The following RYR2 variants were observed in gnomAD, a reference collection of about 807,000 sequenced individuals.
RYR2 encodes the protein ryanodine receptor 2.
In RYR2, 227 loss-of-function variants were observed where a neutral mutation model predicts 601.1. That is an observed-to-expected ratio of 0.38 (90% CI 0.34 to 0.42). RYR2 has a LOEUF of 0.42. Among genes scored for constraint, RYR2 ranks in the 10% least tolerant of loss-of-function variants. The probability of loss-of-function intolerance (pLI) is 1.00; values close to 1 mark genes in which losing one functional copy is unlikely to be tolerated. For synonymous variants in RYR2, 2,223 were observed against 2,175.1 expected (o/e 1.02, Z -0.61); for missense variants, 4,646 against 6,156.5 (o/e 0.75, Z 8.21).
At chr1:237,216,568 T>C (rs981030765) in intron 1 of RYR2, among the ~76,000 whole-genome samples, 1 of 151,612 alleles carries the variant, frequency 6.6e-6, no homozygotes, top group Non-Finnish European at 1.5e-5. Context: ...TGAAACCCTG[T>C]CTCTACTAAA....
chr1:237,636,280 C>T (rs1041195231), intron 44 of RYR2, among the ~76,000 whole-genome samples: 6 of 152,122 alleles, frequency 3.9e-5, no homozygotes, highest in African/African-American at 7.2e-5. Context: ...GGTTTTTCCT[C>T]TGTTGTTAAC....
rs1660920663 is a variant in RYR2 at position 237,808,664 on chromosome 1, AAAAACAAAAT to A, written c.14299-232_14299-223del. 1.3e-5 allele frequency among the ~76,000 whole-genome samples: 2 copies of A among 150,578 alleles called. 1 individual carries two copies. The highest frequency in any genetic ancestry group is 1.3e-4 in the Admixed American group (2 of 15,190). ...ACAGAAACTCTGTCTCAAAAAAAAA[AAAAACAAAAT>A]AAAATAAAATAAAATAAAATAAAGT... On this transcript the variant is annotated intron_variant, in intron 99 of 104. Coordinates refer to ENST00000366574, the MANE Select transcript of RYR2 (RefSeq NM_001035.3).
chr1:237,283,934 G>T (rs1353749921), intron 2 of RYR2, among the ~76,000 whole-genome samples: 1 of 152,134 alleles, frequency 6.6e-6, no homozygotes, highest in African/African-American at 2.4e-5. Context: ...CATATTTGTT[G>T]TCTTTTATCC....
intron 10 of RYR2, among the ~76,000 whole-genome samples, chr1:237,403,409 T>C (rs1425841222): frequency 6.6e-6 from 1 of 152,158 alleles, no homozygotes; most frequent in Non-Finnish European, 1.5e-5. Context: ...AAATTTTATA[T>C]CCGGTAACAC....
At chr1:237,787,004 TAAG>T (rs1657671378) in intron 91 of RYR2, among the ~76,000 whole-genome samples, 1 of 152,174 alleles carries the variant, frequency 6.6e-6, no homozygotes, top group African/African-American at 2.4e-5. Flanking sequence ...GAGTTAAGAT[TAAG>T]TATAGCTTAT....
chr1:237,546,149 C>A (rs1257050704), intron 25 of RYR2, among the ~76,000 whole-genome samples: 1 of 151,900 alleles, frequency 6.6e-6, no homozygotes, highest in African/African-American at 2.4e-5. Flanking sequence ...TCCCACATGG[C>A]TTCTTTATTA....
chr1:237,153,875 G>A (rs1036313972), intron 1 of RYR2, among the ~76,000 whole-genome samples: 5 of 151,974 alleles, frequency 3.3e-5, no homozygotes, highest in Non-Finnish European at 7.4e-5. Context: ...TTTTTGTTTT[G>A]TTTTTTATTC....
intron 6 of RYR2, among the ~76,000 whole-genome samples, 154 bp downstream of exon 6, chr1:237,369,762 T>C (rs1043855872): frequency 2.6e-5 from 4 of 152,230 alleles, no homozygotes. Flanking sequence ...TAGTTTCTCA[T>C]GTAAAAGATG....
chr1:237,172,409 T>C (rs1304885655), intron 1 of RYR2, among the ~76,000 whole-genome samples: 1 of 152,074 alleles, frequency 6.6e-6, no homozygotes, highest in Non-Finnish European at 1.5e-5. Flanking sequence ...GAAAATTATG[T>C]CACCTTGCTT....
At chr1:237,573,537 C>G (rs1572929159) in intron 29 of RYR2, among the ~76,000 whole-genome samples, 1 of 148,850 alleles carries the variant, frequency 6.7e-6, no homozygotes, top group East Asian at 2.1e-4. Flanking sequence ...TAGGGTTGTT[C>G]TATAAAGGTA....
chr1:237,446,663 G>A (rs1311298555), intron 14 of RYR2, among the ~76,000 whole-genome samples: 2 of 152,020 alleles, frequency 1.3e-5, no homozygotes, highest in East Asian at 3.9e-4. Context: ...GTATATGTGT[G>A]TGTGCCTGTA....
intron 93 of RYR2, 98 bp downstream of exon 93, chr1:237,791,613 A>G (rs939704174): frequency 2.9e-6 from 2 of 693,802 alleles, no homozygotes; most frequent in Admixed American, 2.2e-5. Context: ...GCTAGTGAAC[A>G]TGTCTAAACC....
intron 1 of RYR2, among the ~76,000 whole-genome samples, chr1:237,046,714 C>T (rs1303648532): frequency 6.6e-6 from 1 of 152,126 alleles, no homozygotes; most frequent in Non-Finnish European, 1.5e-5. Flanking sequence ...GGCTGAATTA[C>T]CCAAGAAAGG....
chr1:237,598,533 GACATTAAACA>G (rs1463687135), intron 34 of RYR2, among the ~76,000 whole-genome samples: 2 of 152,082 alleles, frequency 1.3e-5, no homozygotes, highest in African/African-American at 2.4e-5. Flanking sequence ...CGAATACATA[GACATTAAACA>G]ACATACCCCT....
intron 1 of RYR2, among the ~76,000 whole-genome samples, chr1:237,102,593 C>A (rs1205814900): frequency 6.6e-6 from 1 of 152,272 alleles, no homozygotes; most frequent in East Asian, 1.9e-4. Flanking sequence ...TGGTGGCTAA[C>A]GCCTGTAATC....
chr1:237,442,297 G>A (rs1707981845), intron 13 of RYR2, among the ~76,000 whole-genome samples: 1 of 152,082 alleles, frequency 6.6e-6, no homozygotes, highest in African/African-American at 2.4e-5. Flanking sequence ...TTTAGCAGAT[G>A]TTATCTTTTT....
chr1:237,727,874 C>T (rs1690326797), intron 76 of RYR2, among the ~76,000 whole-genome samples: 1 of 151,954 alleles, frequency 6.6e-6, no homozygotes, highest in Non-Finnish European at 1.5e-5. Context: ...TCCAGGGTAC[C>T]ATTTCAGTCA....
chr1:237,427,994 GA>G (rs1470374723), intron 12 of RYR2, among the ~76,000 whole-genome samples: 24 of 151,894 alleles, frequency 1.6e-4, no homozygotes, highest in Non-Finnish European at 4.4e-5. Context: ...CAAGAAACAT[GA>G]AAAAAAGCTC....
intron 1 of RYR2, among the ~76,000 whole-genome samples, chr1:237,213,918 T>TC (rs1682876777): frequency 7.4e-6 from 1 of 135,524 alleles, no homozygotes; most frequent in Non-Finnish European, 1.6e-5. Flanking sequence ...TCTTTTTCTT[T>TC]TTTTTTTTTT....
Sources: gnomAD v4.1 joint callset for allele counts (sites outside exome capture counted in the v4.1 genomes callset) on GRCh38, gnomAD v4.1.1 for gene constraint, MANE v1.5 for transcripts, NCBI Gene and HGNC (gene_info 2026-07-23, HGNC 2026-07-21) for gene names.